Variants in VAPB observed in about 807,000 individuals in gnomAD.
VAPB encodes the protein vesicle-associated membrane protein-associated protein B/C.
In VAPB, 7 loss-of-function variants were observed where a neutral mutation model predicts 25.6. The observed-to-expected ratio is 0.27, with a 90% CI of 0.16 to 0.51. The LOEUF (loss-of-function observed/expected upper bound fraction) is 0.51, where lower values mean the gene tolerates loss of function less well. Ranked by LOEUF, VAPB falls within the 20% of genes least tolerant of loss-of-function variation. The pLI is 0.97. For missense variants in VAPB, 266 were observed against 301.3 expected (o/e 0.88, Z 0.87); for synonymous variants, 112 against 109.2 (o/e 1.03, Z -0.16).
chr20:58,423,596 A>G (rs1988722464), intron 2 of VAPB, among the ~76,000 whole-genome samples: 1 of 152,166 alleles, frequency 6.6e-6, no homozygotes, highest in African/African-American at 2.4e-5. Flanking sequence ...GTGGCCCTGG[A>G]GCAGTCAACC....
chr20:58,389,260 T>A lies in VAPB; in HGVS notation c.-200T>A. 1 of 674,260 alleles carries A rather than the reference T, an allele frequency of 1.5e-6. No individual in the cohort carries two copies. Among genetic ancestry groups the A allele is most frequent in the Non-Finnish European group, 2.7e-6 (1 of 373,742 alleles). The allele number at this position is 674,260 out of a possible 1,614,324, so 41.8% of individuals were successfully genotyped here. A position where few individuals can be genotyped will look rare whatever the true frequency, so the allele number is the denominator to read the frequency against. ...CGTCAGCTCGCCGGGCACCGCGGCCTCGCCCTCGCCCTCCGCCCCTGCGCC... is the reference window on the plus strand; with the variant it reads ...CGTCAGCTCGCCGGGCACCGCGGCCACGCCCTCGCCCTCCGCCCCTGCGCC... On this transcript the variant is annotated 5_prime_UTR_variant, in exon 1 of 6. Coordinates refer to ENST00000475243, the MANE Select transcript of VAPB (RefSeq NM_004738.5).
chr20:58,449,011 C>G lies in VAPB; in HGVS notation c.*4776C>G, dbSNP rs1342705436. 1 of 454,132 alleles carries G rather than the reference C, an allele frequency of 2.2e-6. No homozygotes were observed. Among genetic ancestry groups the G allele is most frequent in the South Asian group, 1.6e-5 (1 of 64,476 alleles). 28.1% of individuals were successfully genotyped at this position (454,132 alleles called of 1,614,324 possible). On this transcript the variant is annotated 3_prime_UTR_variant, in exon 6 of 6. Transcript: ENST00000475243. ...CTGCTGAGGTTTGAAAACAGCTGAG[C>G]TGCTGATGTCTCAGGCCTTTCCCTG...
rs527752362 is a variant in VAPB at position 58,430,244 on chromosome 20, A to G, written c.212-4358A>G. Among the ~76,000 whole-genome samples, 567 of 136,058 alleles carry G rather than the reference A, an allele frequency of 4.2e-3. 1 individual carries two copies. Among genetic ancestry groups the G allele is most frequent in the Non-Finnish European group, 6.9e-3 (442 of 63,750 alleles). 89.3% of individuals were successfully genotyped at this position (136,058 alleles called of 152,430 possible). ...CTTGACATTTTTTCATTTTTTGCCAATTTTTCTTTTTTTTTTTGAGGTGGA... is the reference window on the plus strand; with the variant it reads ...CTTGACATTTTTTCATTTTTTGCCAGTTTTTCTTTTTTTTTTTGAGGTGGA... On this transcript the variant is annotated intron_variant, in intron 2 of 5. Coordinates refer to ENST00000475243, the MANE Select transcript of VAPB (RefSeq NM_004738.5).
rs544865653 is a variant in VAPB at position 58,448,473 on chromosome 20, G to C, written c.*4238G>C. On this transcript the variant is annotated 3_prime_UTR_variant, in exon 6 of 6. Transcript: ENST00000475243. The stretch of plus-strand genomic sequence containing the variant: ...GAACTTAATCCTTGCAACTGTGACT[G>C]GGGGGTAGATGGCTCTGTTTGCATA... The C allele has an allele frequency of 6.6e-6, 3 of 453,964 alleles. No individual in the cohort carries two copies. Among genetic ancestry groups the C allele is most frequent in the Non-Finnish European group, 1.3e-5 (3 of 226,786 alleles). The allele number at this position is 453,964 out of a possible 1,614,324, so 28.1% of individuals were successfully genotyped here.
At chr20:58,411,320 C>T (rs952194817) in intron 1 of VAPB, among the ~76,000 whole-genome samples, 4 of 152,208 alleles carry the variant, frequency 2.6e-5, no homozygotes, top group South Asian at 2.1e-4. Context: ...CTTACTCTGT[C>T]GCCCAGGCTG....
chr20:58,402,915 G>A (rs1362049765), intron 1 of VAPB, among the ~76,000 whole-genome samples: 1 of 152,176 alleles, frequency 6.6e-6, no homozygotes, highest in African/African-American at 2.4e-5. Flanking sequence ...TGAGGCATGA[G>A]AATCACTTGA....
chr20:58,413,347 A>G lies in VAPB; in HGVS notation c.59-4864A>G, dbSNP rs1988427502. Among the ~76,000 whole-genome samples, 5 of 150,868 alleles carry G rather than the reference A, an allele frequency of 3.3e-5. No homozygotes were observed. In the South Asian group the frequency reaches 1.1e-3, roughly 32 times the overall value. ...TACTTGAGATTAGGGACTGGTGATG[A>G]CTCTTAACGAGCATGCTGCCTTCAA... On this transcript the variant is annotated intron_variant, in intron 1 of 5. Coordinates refer to ENST00000475243, the MANE Select transcript of VAPB (RefSeq NM_004738.5).
intron 1 of VAPB, among the ~76,000 whole-genome samples, chr20:58,394,478 A>G (rs1483467542): frequency 6.6e-6 from 1 of 152,264 alleles, no homozygotes; most frequent in African/African-American, 2.4e-5. Context: ...TTTACAGCAC[A>G]ACAGAGCGTC....
chr20:58,399,158 G>A (rs954378991), intron 1 of VAPB, among the ~76,000 whole-genome samples: 5 of 151,886 alleles, frequency 3.3e-5, no homozygotes, highest in African/African-American at 1.2e-4. Context: ...AAAGTTAGCC[G>A]GGCGTGGTGG....
intron 1 of VAPB, among the ~76,000 whole-genome samples, chr20:58,406,120 G>C (rs1450264840): frequency 1.3e-5 from 2 of 152,088 alleles, no homozygotes; most frequent in Non-Finnish European, 2.9e-5. Context: ...TGAGAAACTT[G>C]AGATGCTCAG....
At chr20:58,411,156 T>A (rs1046826083) in intron 1 of VAPB, among the ~76,000 whole-genome samples, 2 of 152,250 alleles carry the variant, frequency 1.3e-5, no homozygotes, top group East Asian at 3.8e-4. Context: ...CAGCAGTGAA[T>A]GAGAGTTCCT....
intron 3 of VAPB, among the ~76,000 whole-genome samples, chr20:58,435,885 T>C (rs1015286646): frequency 6.6e-6 from 1 of 152,060 alleles, no homozygotes; most frequent in African/African-American, 2.4e-5. Context: ...GATCCAAGGG[T>C]GTGTTCTGTT....
At chr20:58,423,445 A>AAAAAAAAAAAC (rs1988717111) in intron 2 of VAPB, among the ~76,000 whole-genome samples, 1 of 143,806 alleles carries the variant, frequency 7.0e-6, no homozygotes, top group Non-Finnish European at 1.5e-5. Context: ...AAAAAAAAAA[A>AAAAAAAAAAAC]AAAAGAAAAG....
chr20:58,430,624 G>A (rs1398989270), intron 2 of VAPB, among the ~76,000 whole-genome samples: 1 of 151,270 alleles, frequency 6.6e-6, no homozygotes, highest in Non-Finnish European at 1.5e-5. Flanking sequence ...CGCCCAGGCT[G>A]GAGTGCAGTG....
At chr20:58,392,223 C>T (rs953403889) in intron 1 of VAPB, among the ~76,000 whole-genome samples, 4 of 152,188 alleles carry the variant, frequency 2.6e-5, no homozygotes, top group Admixed American at 6.5e-5. Flanking sequence ...GAAGGAATGA[C>T]ATGGCTGTTA....
intron 1 of VAPB, among the ~76,000 whole-genome samples, chr20:58,395,321 T>G (rs2123017910): frequency 6.6e-6 from 1 of 152,066 alleles, no homozygotes; most frequent in East Asian, 1.9e-4. Flanking sequence ...CTAGCTAATT[T>G]TTGTATTTTT....
chr20:58,425,759 C>T (rs1388339575), intron 2 of VAPB, among the ~76,000 whole-genome samples: 4 of 152,198 alleles, frequency 2.6e-5, no homozygotes, highest in Non-Finnish European at 5.9e-5. Flanking sequence ...ATTCTCACTG[C>T]AGCCCTGCTA....
In VAPB at chr20:58,389,306, C is replaced by CCG. The variant is rs753115481; in HGVS notation, c.-153_-152insGC. Reference sequence around the variant, plus strand: ...GCGCCTGCACCGCGTAGACCGACCCCCCCCCAGCGCGCCCACCCGGTAGAG... The same window carrying CCG: ...GCGCCTGCACCGCGTAGACCGACCCCCGCCCCCAGCGCGCCCACCCGGTAGAG... On this transcript the variant is annotated 5_prime_UTR_variant, in exon 1 of 6. Transcript: ENST00000475243. The CCG allele has an allele frequency of 2.3e-5, 16 of 690,122 alleles. 1 individual carries two copies. Among genetic ancestry groups the CCG allele is most frequent in the South Asian group, 1.4e-4 (9 of 66,464 alleles). 42.7% of individuals were successfully genotyped at this position (690,122 alleles called of 1,614,324 possible). A position where few individuals can be genotyped will look rare whatever the true frequency, so the allele number is the denominator to read the frequency against.
Position 58,449,740 on chromosome 20 carries a change from C to T in VAPB, c.*5505C>T, listed in dbSNP as rs867092136. 2.2e-6 allele frequency: 1 copy of T among 454,040 alleles called. No individual in the cohort carries two copies. Among genetic ancestry groups the T allele is most frequent in the Non-Finnish European group, 4.4e-6 (1 of 226,776 alleles). 28.1% of individuals were successfully genotyped at this position (454,040 alleles called of 1,614,324 possible). ...CCGATTACAATTGCTTTATTACACC[C>T]CAGGGCTGATGGAGATGTAATCACT... On this transcript the variant is annotated 3_prime_UTR_variant, in exon 6 of 6. Coordinates refer to ENST00000475243, the MANE Select transcript of VAPB (RefSeq NM_004738.5).
Sources: gnomAD v4.1 joint callset for allele counts (sites outside exome capture counted in the v4.1 genomes callset) on GRCh38, gnomAD v4.1.1 for gene constraint, MANE v1.5 for transcripts, NCBI Gene and HGNC (gene_info 2026-07-23, HGNC 2026-07-21) for gene names.